GNAQ: variants seen among roughly 807,000 people sequenced by gnomAD.
The protein encoded by GNAQ is guanine nucleotide-binding protein G(q) subunit alpha.
GNAQ carries 8 observed loss-of-function variants against 43.9 expected under a neutral mutation model. The ratio of observed to expected loss-of-function variants is 0.18; its 90% CI spans 0.11 to 0.33. GNAQ has a LOEUF of 0.33. GNAQ is among the 10% of genes least tolerant of loss of function. GNAQ has a pLI of 1.00. For synonymous variants in GNAQ, 155 were observed against 170.7 expected (o/e 0.91, Z 0.71); for missense variants, 158 against 450.8 (o/e 0.35, Z 5.88).
At chr9:77,914,352 A>G (rs1436241893) in intron 2 of GNAQ, among the ~76,000 whole-genome samples, 1 of 152,214 alleles carries the variant, frequency 6.6e-6, no homozygotes, top group Non-Finnish European at 1.5e-5. Flanking sequence ...AAAAGTCCAT[A>G]GATTCCTTTA....
intron 5 of GNAQ, among the ~76,000 whole-genome samples, chr9:77,740,121 T>C (rs990324420): frequency 1.3e-5 from 2 of 152,226 alleles, no homozygotes; most frequent in Non-Finnish European, 2.9e-5. Context: ...AATATTTTTA[T>C]GGATGGGTCA....
At chr9:77,871,512 T>C (rs574647996) in intron 2 of GNAQ, among the ~76,000 whole-genome samples, 32 of 152,302 alleles carry the variant, frequency 2.1e-4, no homozygotes, top group Admixed American at 9.2e-4. Flanking sequence ...GGTAGAAAGG[T>C]GGGATGATTT....
chr9:77,955,153 G>GT (rs1206150735), intron 1 of GNAQ, among the ~76,000 whole-genome samples: 26 of 152,188 alleles, frequency 1.7e-4, no homozygotes, highest in Non-Finnish European at 3.8e-4. Flanking sequence ...TCTTTTTCTT[G>GT]TTTTTTTGAG....
At chr9:77,813,271 T>G (rs556249843) in intron 3 of GNAQ, among the ~76,000 whole-genome samples, 19 of 152,272 alleles carry the variant, frequency 1.2e-4, no homozygotes, top group Admixed American at 2.6e-4. Context: ...TAGGGAAATG[T>G]AGAACTATTT....
chr9:77,806,184 G>C (rs140359113), intron 3 of GNAQ, among the ~76,000 whole-genome samples: 244 of 152,284 alleles, frequency 1.6e-3, no homozygotes, highest in African/African-American at 5.5e-3. Flanking sequence ...TTTTCAATTT[G>C]CCTATTTGGC....
intron 1 of GNAQ, among the ~76,000 whole-genome samples, chr9:78,022,526 C>T (rs1378583316): frequency 1.3e-5 from 2 of 151,882 alleles, no homozygotes; most frequent in African/African-American, 4.8e-5. Flanking sequence ...GCTTATTTAG[C>T]CAAAAATAAA....
intron 5 of GNAQ, among the ~76,000 whole-genome samples, chr9:77,784,455 G>T (rs936595521): frequency 6.6e-6 from 1 of 152,132 alleles, no homozygotes; most frequent in Non-Finnish European, 1.5e-5. Context: ...TGTTTATGAT[G>T]TTAAAATGTT....
chr9:77,866,846 AAC>A (rs917227959), intron 2 of GNAQ, among the ~76,000 whole-genome samples: 5 of 152,238 alleles, frequency 3.3e-5, no homozygotes, highest in African/African-American at 1.2e-4. Flanking sequence ...TTTTTATTAA[AAC>A]ACAGTCGTCA....
At chr9:78,010,174 G>T (rs551126524) in intron 1 of GNAQ, among the ~76,000 whole-genome samples, 17 of 152,242 alleles carry the variant, frequency 1.1e-4, no homozygotes, top group Middle Eastern at 3.4e-3. Flanking sequence ...GGATATTAAG[G>T]AACAAGATTT....
intron 3 of GNAQ, among the ~76,000 whole-genome samples, chr9:77,809,186 C>G (rs1826876055): frequency 6.6e-6 from 1 of 152,206 alleles, no homozygotes; most frequent in Admixed American, 6.5e-5. Flanking sequence ...CCAATCTACT[C>G]ATGTTCTTTA....
chr9:77,813,308 G>C (rs1429323389), intron 3 of GNAQ, among the ~76,000 whole-genome samples: 1 of 152,164 alleles, frequency 6.6e-6, no homozygotes, highest in Non-Finnish European at 1.5e-5. Context: ...AAGGAGTTTA[G>C]ATCAGCCTGT....
At position 77,810,904 on chromosome 9, in the gene GNAQ, C is replaced by T. The variant is rs74683241; in HGVS notation, c.476+4712G>A. Among the ~76,000 whole-genome samples the T allele has an allele frequency of 7.6e-3, 1,151 of 152,240 alleles. 16 individuals carry two copies. The highest frequency in any genetic ancestry group is 0.027 in the African/African-American group (1,104 of 41,520). On this transcript the variant is annotated intron_variant, in intron 3 of 6. Coordinates refer to ENST00000286548, the MANE Select transcript of GNAQ (RefSeq NM_002072.5). Reference sequence around the variant, plus strand: ...TGTTACTGGTGTTGGGCAAGGCTTTCAGAAAGGGTGACTCTTGAGTCGGGT... The same window carrying T: ...TGTTACTGGTGTTGGGCAAGGCTTTTAGAAAGGGTGACTCTTGAGTCGGGT...
intron 2 of GNAQ, among the ~76,000 whole-genome samples, chr9:77,862,113 T>C (rs1299767961): frequency 6.6e-6 from 1 of 151,748 alleles, no homozygotes; most frequent in African/African-American, 2.4e-5. Context: ...CTGGCTGCTT[T>C]CACAGGCATG....
intron 5 of GNAQ, among the ~76,000 whole-genome samples, chr9:77,737,394 T>C (rs1360667344): frequency 6.6e-6 from 1 of 152,246 alleles, no homozygotes; most frequent in African/African-American, 2.4e-5. Flanking sequence ...AGATGGGTAA[T>C]TGCCATTAGC....
At chr9:77,745,107 G>A (rs1825709499) in intron 5 of GNAQ, among the ~76,000 whole-genome samples, 1 of 152,206 alleles carries the variant, frequency 6.6e-6, no homozygotes, top group Admixed American at 6.5e-5. Flanking sequence ...CTAACACAGA[G>A]GAGTGGAGGA....
At chr9:77,768,422 A>G (rs1262624673) in intron 5 of GNAQ, among the ~76,000 whole-genome samples, 1 of 152,174 alleles carries the variant, frequency 6.6e-6, no homozygotes, top group Non-Finnish European at 1.5e-5. Context: ...CTGCCATGTG[A>G]TATTCAACTC....
At chr9:77,761,571 C>T (rs1826024483) in intron 5 of GNAQ, among the ~76,000 whole-genome samples, 1 of 142,640 alleles carries the variant, frequency 7.0e-6, no homozygotes, top group African/African-American at 2.6e-5. Flanking sequence ...CCCGCCCGGC[C>T]AGCTGCCTCG....
In GNAQ at chr9:78,001,538, C is replaced by A. The variant is rs546166861; in HGVS notation, c.136+29562G>T. Among the ~76,000 whole-genome samples, 13 of 151,812 alleles carry A rather than the reference C, an allele frequency of 8.6e-5. No homozygotes were observed. The South Asian group carries it at 1.7e-3, about 19-fold the overall frequency. On this transcript the variant is annotated intron_variant, in intron 1 of 6. Transcript: ENST00000286548. Reference sequence around the variant, plus strand: ...ATGATCACAGGATACTCTCAGTCAGCAGAATTATAAAAATAAATGTTACTT... The same window carrying A: ...ATGATCACAGGATACTCTCAGTCAGAAGAATTATAAAAATAAATGTTACTT...
chr9:77,902,666 C>G (rs1342237017), intron 2 of GNAQ, among the ~76,000 whole-genome samples: 3 of 152,162 alleles, frequency 2.0e-5, no homozygotes, highest in Non-Finnish European at 4.4e-5. Context: ...TCTTAGTCTT[C>G]AGAACAGGGT....
Sources: allele counts gnomAD v4.1 joint callset (sites outside exome capture counted in the v4.1 genomes callset), GRCh38; gene constraint gnomAD v4.1.1; transcripts MANE v1.5; gene names NCBI Gene and HGNC (gene_info 2026-07-23, HGNC 2026-07-21).